The following CNTN4 variants were observed in gnomAD, a reference collection of about 807,000 sequenced individuals.
CNTN4 encodes the protein contactin 4, also known as contactin-4.
A neutral mutation model predicts 122.5 loss-of-function variants in CNTN4; 77 were observed. The observed-to-expected ratio is 0.63, with a 90% CI of 0.52 to 0.76. CNTN4 has a LOEUF of 0.76. Ranked by LOEUF, CNTN4 falls within the 30% of genes least tolerant of loss-of-function variation. The pLI is 0.00. For synonymous variants in CNTN4, 512 were observed against 447.0 expected, an observed-to-expected ratio of 1.15 and a Z score of -1.83; for missense variants, 1,256 against 1,259.1, an observed-to-expected ratio of 1.00 and a Z score of 0.04.
chr3:2,132,122 T>C (rs187425958), intron 2 of CNTN4, among the ~76,000 whole-genome samples: 4 of 152,286 alleles, frequency 2.6e-5, no homozygotes, highest in African/African-American at 9.6e-5. Flanking sequence ...GCTACTGCCA[T>C]GTAAGAAGTC....
At chr3:2,334,725 C>A (rs1372375568) in intron 2 of CNTN4, among the ~76,000 whole-genome samples, 1 of 152,138 alleles carries the variant, frequency 6.6e-6, no homozygotes, top group African/African-American at 2.4e-5. Flanking sequence ...AAATCCAGGT[C>A]TGACTCTAAC....
chr3:2,710,410 T>G (rs1385371526), intron 4 of CNTN4, among the ~76,000 whole-genome samples: 1 of 152,206 alleles, frequency 6.6e-6, no homozygotes, highest in African/African-American at 2.4e-5. Flanking sequence ...ATTTTAATAG[T>G]GACAGCTGCA....
intron 6 of CNTN4, among the ~76,000 whole-genome samples, chr3:2,805,509 C>T (rs946364253): frequency 6.6e-6 from 1 of 152,044 alleles, no homozygotes; most frequent in African/African-American, 2.4e-5. Flanking sequence ...TTTTTGAAAC[C>T]CAGAGCATGA....
intron 4 of CNTN4, among the ~76,000 whole-genome samples, chr3:2,603,353 G>A (rs967459474): frequency 6.6e-6 from 1 of 152,092 alleles, no homozygotes; most frequent in African/African-American, 2.4e-5. Flanking sequence ...CCTAGTGTGG[G>A]AAAATCATTA....
intron 3 of CNTN4, among the ~76,000 whole-genome samples, chr3:2,492,094 C>T (rs1237279044): frequency 1.3e-5 from 2 of 151,952 alleles, no homozygotes; most frequent in Non-Finnish European, 2.9e-5. Flanking sequence ...AATAATAACT[C>T]GAAATAATAA....
intron 6 of CNTN4, among the ~76,000 whole-genome samples, chr3:2,755,202 C>T (rs961471796): frequency 6.6e-6 from 1 of 152,146 alleles, no homozygotes; most frequent in African/African-American, 2.4e-5. Flanking sequence ...TCGATCAGAA[C>T]AGTAGCTGGG....
intron 6 of CNTN4, among the ~76,000 whole-genome samples, chr3:2,782,522 TGG>T (rs1351229481): frequency 6.8e-6 from 1 of 146,982 alleles, no homozygotes; most frequent in Non-Finnish European, 1.5e-5. Context: ...TGTGTTTTAA[TGG>T]GAAGGAAACC....
chr3:2,866,781 T>C lies in CNTN4; in HGVS notation c.484T>C (p.Tyr162His), dbSNP rs2093728871. 2 of 1,613,924 alleles carry C rather than the reference T, an allele frequency of 1.2e-6. No individual in the cohort carries two copies. The highest frequency in any genetic ancestry group is 1.7e-5 in the Admixed American group (1 of 59,996). Residue 162 changes from tyrosine (Y) to histidine (H), a missense_variant, in exon 8 of 25, where the codon TAC (tyrosine) becomes CAC (histidine). Physicochemically the swap from Tyr to His is moderately conservative, Grantham distance 83. Transcript: ENST00000418658. ...ELSYAWIFNEYPSYQDNRRFV... is the reference protein window; with the variant it reads ...ELSYAWIFNEHPSYQDNRRFV... ...GAGTTATGCCTGGATCTTCAATGAATACCCTTCCTATCAGGATAATCGCCG... is the reference window on the plus strand; with the variant it reads ...GAGTTATGCCTGGATCTTCAATGAACACCCTTCCTATCAGGATAATCGCCG...
chr3:3,052,851 C>T lies in CNTN4; in HGVS notation c.2812-956C>T, dbSNP rs138633310. Reference sequence around the variant, plus strand: ...TGGGAGGTTACTACTCTTGCCTTTCCGATATCTTCTCCCTGTGCTGAAATG... The same window carrying T: ...TGGGAGGTTACTACTCTTGCCTTTCTGATATCTTCTCCCTGTGCTGAAATG... On this transcript the variant is annotated intron_variant, in intron 23 of 24. Coordinates refer to ENST00000418658, the MANE Select transcript of CNTN4 (RefSeq NM_175607.3). Among the ~76,000 whole-genome samples, 86 of 152,254 alleles carry T rather than the reference C, an allele frequency of 5.6e-4. 1 individual carries two copies. Among genetic ancestry groups the T allele is most frequent in the African/African-American group, 1.9e-3 (80 of 41,538 alleles).
chr3:2,671,973 G>A (rs575036103), intron 4 of CNTN4, among the ~76,000 whole-genome samples: 1 of 152,208 alleles, frequency 6.6e-6, no homozygotes, highest in Admixed American at 6.5e-5. Flanking sequence ...CCTTCCTTTG[G>A]AAGTTTTGTC....
chr3:2,577,123 C>A (rs1490987844), intron 4 of CNTN4, among the ~76,000 whole-genome samples: 1 of 152,160 alleles, frequency 6.6e-6, no homozygotes, highest in East Asian at 1.9e-4. Context: ...ATAACTCCTT[C>A]TACTTTTTTC....
At chr3:2,806,868 G>C (rs1377219429) in intron 6 of CNTN4, among the ~76,000 whole-genome samples, 1 of 152,104 alleles carries the variant, frequency 6.6e-6, no homozygotes, top group Non-Finnish European at 1.5e-5. Flanking sequence ...CTTAGAAGTA[G>C]GATGGAAAGC....
intron 12 of CNTN4, among the ~76,000 whole-genome samples, chr3:2,915,023 G>A (rs2094338755): frequency 6.6e-6 from 1 of 152,152 alleles, no homozygotes; most frequent in African/African-American, 2.4e-5. Context: ...AGAACCACGT[G>A]ATCGTTCCAA....
At chr3:2,717,678 A>G (rs1336029345) in intron 4 of CNTN4, among the ~76,000 whole-genome samples, 2 of 152,188 alleles carry the variant, frequency 1.3e-5, no homozygotes, top group African/African-American at 4.8e-5. Context: ...ATACCTAGGG[A>G]TGAAATTTCT....
intron 7 of CNTN4, among the ~76,000 whole-genome samples, chr3:2,859,376 G>A (rs1024794679): frequency 1.3e-5 from 2 of 152,162 alleles, no homozygotes; most frequent in African/African-American, 2.4e-5. Context: ...TGAGAGTGCA[G>A]ATACGTCTCT....
At chr3:2,469,633 G>C (rs2075616369) in intron 3 of CNTN4, among the ~76,000 whole-genome samples, 1 of 152,186 alleles carries the variant, frequency 6.6e-6, no homozygotes. Context: ...GCAATCTGCT[G>C]TTTGGAGGGA....
chr3:2,774,152 C>T (rs1576738439), intron 6 of CNTN4, among the ~76,000 whole-genome samples: 1 of 151,890 alleles, frequency 6.6e-6, no homozygotes, highest in Non-Finnish European at 1.5e-5. Context: ...TCCCAGTTAC[C>T]CGGGAGGCTG....
At chr3:2,576,199 T>G (rs2079675960) in intron 4 of CNTN4, among the ~76,000 whole-genome samples, 1 of 152,204 alleles carries the variant, frequency 6.6e-6, no homozygotes, top group African/African-American at 2.4e-5. Context: ...GGGTAGATAT[T>G]TCTGTCCTTT....
intron 4 of CNTN4, among the ~76,000 whole-genome samples, chr3:2,705,967 A>G (rs1257890411): frequency 4.5e-5 from 6 of 132,924 alleles, no homozygotes; most frequent in Non-Finnish European, 9.3e-5. Flanking sequence ...AATATATAAA[A>G]TATATATTAT....
Sources: allele counts gnomAD v4.1 joint callset (sites outside exome capture counted in the v4.1 genomes callset), GRCh38; gene constraint gnomAD v4.1.1; transcripts MANE v1.5; gene names NCBI Gene and HGNC (gene_info 2026-07-23, HGNC 2026-07-21).